The following JARID2 variants were observed in gnomAD, a reference collection of about 807,000 sequenced individuals.
The protein encoded by JARID2 is jumonji and AT-rich interaction domain containing 2, also known as protein Jumonji.
A neutral mutation model predicts 125.6 loss-of-function variants in JARID2; 21 were observed. The observed-to-expected ratio is 0.17, with a 90% CI of 0.12 to 0.24. The LOEUF is 0.24. Among genes scored for constraint, JARID2 ranks in the 10% least tolerant of loss-of-function variants. The pLI is 1.00. For synonymous variants in JARID2, 736 were observed against 661.6 expected (o/e 1.11, Z -1.73); for missense variants, 1,303 against 1,639.6 (o/e 0.79, Z 3.55).
intron 1 of JARID2, among the ~76,000 whole-genome samples, chr6:15,281,670 A>G (rs1406241981): frequency 6.6e-6 from 1 of 152,148 alleles, no homozygotes; most frequent in East Asian, 1.9e-4. Flanking sequence ...ACAATATCTC[A>G]AAGATCTTTC....
intron 5 of JARID2, 99 bp from the exon 6 acceptor site, chr6:15,487,208 A>G (rs1769913596): frequency 1.1e-6 from 1 of 948,600 alleles, no homozygotes; most frequent in Non-Finnish European, 1.6e-6. Flanking sequence ...ACAGTTGGAC[A>G]TGAGATTTGG....
At position 15,358,494 on chromosome 6, in the gene JARID2, G is replaced by T. The variant is rs567008012; in HGVS notation, c.46-15623G>T. On this transcript the variant is annotated intron_variant, in intron 1 of 17. Transcript: ENST00000341776. ...TCTGACTCAGAGATTCAGGGTTAAT[G>T]AGATTTTCATCATTGAGTTGGGGCA... Among the ~76,000 whole-genome samples the T allele has an allele frequency of 5.3e-5, 8 of 152,324 alleles. No individual in the cohort carries two copies. In the South Asian group the frequency reaches 1.7e-3, roughly 32 times the overall value.
intron 7 of JARID2, among the ~76,000 whole-genome samples, chr6:15,499,064 C>T (rs747421590): frequency 6.6e-6 from 1 of 152,178 alleles, no homozygotes; most frequent in Non-Finnish European, 1.5e-5. Context: ...AAAAGCCATA[C>T]TGTGCCTCCC....
intron 3 of JARID2, among the ~76,000 whole-genome samples, chr6:15,426,216 G>A (rs561300910): frequency 6.6e-6 from 1 of 152,282 alleles, no homozygotes; most frequent in African/African-American, 2.4e-5. Flanking sequence ...CTCGAGTGGG[G>A]CCGAGGTTTG....
At chr6:15,507,060 G>A (rs1488972985) in intron 9 of JARID2, 76 bp from the exon 10 acceptor site, 1 of 902,440 alleles carries the variant, frequency 1.1e-6, no homozygotes, top group Non-Finnish European at 1.9e-6. Flanking sequence ...TCGTGTCCCA[G>A]TTTTGTTGGG....
intron 16 of JARID2, 79 bp downstream of exon 16, chr6:15,513,501 A>T: frequency 7.3e-7 from 1 of 1,370,070 alleles, no homozygotes; most frequent in African/African-American, 1.4e-5. Flanking sequence ...CAGAAGAGGG[A>T]GGGCGCTCTC....
intron 3 of JARID2, among the ~76,000 whole-genome samples, chr6:15,441,467 G>C (rs1309697219): frequency 6.6e-6 from 1 of 152,194 alleles, no homozygotes; most frequent in East Asian, 1.9e-4. Flanking sequence ...GTGCATGCTG[G>C]CTACTTCATA....
intron 2 of JARID2, among the ~76,000 whole-genome samples, chr6:15,404,749 T>C (rs1046127863): frequency 3.6e-4 from 55 of 152,346 alleles, no homozygotes; most frequent in African/African-American, 1.3e-3. Flanking sequence ...CCTAATATGC[T>C]AATGACTTTG....
intron 1 of JARID2, among the ~76,000 whole-genome samples, chr6:15,370,543 G>A (rs533148953): frequency 6.6e-6 from 1 of 151,912 alleles, no homozygotes; most frequent in African/African-American, 2.4e-5. Context: ...GGGTTTCACC[G>A]TGTTAGCCAG....
intron 8 of JARID2, among the ~76,000 whole-genome samples, chr6:15,504,032 A>C (rs2127749653): frequency 6.6e-6 from 1 of 152,312 alleles, no homozygotes; most frequent in South Asian, 2.1e-4. Flanking sequence ...CTCAGGGTGT[A>C]GATGTCGCAC....
intron 5 of JARID2, among the ~76,000 whole-genome samples, chr6:15,472,364 C>T (rs1208552284): frequency 6.6e-6 from 1 of 152,134 alleles, no homozygotes; most frequent in Non-Finnish European, 1.5e-5. Context: ...AGTAAGGGGA[C>T]TAACTTCACT....
chr6:15,423,530 G>T (rs948765863), intron 3 of JARID2, among the ~76,000 whole-genome samples: 2 of 152,194 alleles, frequency 1.3e-5, no homozygotes, highest in African/African-American at 2.4e-5. Context: ...GACAAAGACA[G>T]GCTGGTATTT....
intron 9 of JARID2, 113 bp downstream of exon 9, chr6:15,504,705 G>A (rs899863711): frequency 4.3e-5 from 30 of 702,920 alleles, no homozygotes; most frequent in Admixed American, 1.3e-4. Flanking sequence ...AAAGGACTCA[G>A]ATGGGGCTGA....
chr6:15,416,620 T>TGTACTG (rs1766231397), intron 3 of JARID2, among the ~76,000 whole-genome samples: 1 of 149,624 alleles, frequency 6.7e-6, no homozygotes, highest in Admixed American at 6.8e-5. Context: ...GAGGCTGCAG[T>TGTACTG]GAGCCGAGAT....
At chr6:15,457,435 G>T (rs889781499) in intron 4 of JARID2, among the ~76,000 whole-genome samples, 2 of 152,100 alleles carry the variant, frequency 1.3e-5, no homozygotes, top group Non-Finnish European at 2.9e-5. Context: ...TCACCATAAA[G>T]AGCTCAGTCA....
At chr6:15,258,532 C>T (rs936578963) in intron 1 of JARID2, among the ~76,000 whole-genome samples, 7 of 152,160 alleles carry the variant, frequency 4.6e-5, no homozygotes, top group Non-Finnish European at 7.3e-5. Context: ...ACCTGTAATC[C>T]CAGCACTTTG....
At chr6:15,495,301 G>C (rs1770360637) in intron 6 of JARID2, among the ~76,000 whole-genome samples, 1 of 152,196 alleles carries the variant, frequency 6.6e-6, no homozygotes. Flanking sequence ...GTTTGCCCAG[G>C]TCCCATAGAA....
intron 2 of JARID2, among the ~76,000 whole-genome samples, chr6:15,382,777 A>C (rs1196123418): frequency 6.6e-6 from 1 of 152,158 alleles, no homozygotes; most frequent in Middle Eastern, 3.2e-3. Flanking sequence ...GAGCGTTAAG[A>C]ATGGAGGTGC....
At chr6:15,445,208 AAATC>A (rs1217004658) in intron 3 of JARID2, among the ~76,000 whole-genome samples, 4 of 152,202 alleles carry the variant, frequency 2.6e-5, no homozygotes, top group Non-Finnish European at 2.9e-5. Context: ...GGAAGCTTCT[AAATC>A]AATCATTTGG....
Sources: gnomAD v4.1 joint callset for allele counts (sites outside exome capture counted in the v4.1 genomes callset) on GRCh38, gnomAD v4.1.1 for gene constraint, MANE v1.5 for transcripts, NCBI Gene and HGNC (gene_info 2026-07-23, HGNC 2026-07-21) for gene names.